GTF3C2: variants seen among roughly 807,000 people sequenced by gnomAD.
GTF3C2 encodes general transcription factor 3C polypeptide 2.
In GTF3C2, 17 loss-of-function variants were observed where a neutral mutation model predicts 117.4. The ratio of observed to expected loss-of-function variants is 0.14; its 90% CI spans 0.10 to 0.22. The LOEUF (loss-of-function observed/expected upper bound fraction) is 0.22. Ranked by LOEUF, GTF3C2 falls within the 10% of genes least tolerant of loss-of-function variation. GTF3C2 has a pLI of 1.00. For missense variants in GTF3C2, 888 were observed against 1,143.6 expected (o/e 0.78, Z 3.22); for synonymous variants, 437 against 427.0 (o/e 1.02, Z -0.29).
intron 10 of GTF3C2, 160 bp downstream of exon 10, chr2:27,335,438 T>C: frequency 1.4e-6 from 1 of 714,882 alleles, no homozygotes; most frequent in Non-Finnish European, 2.6e-6. Flanking sequence ...GAGAGAGGGC[T>C]CAAGAACAAA....
At chr2:27,333,311 T>G (rs968853001) in intron 12 of GTF3C2, among the ~76,000 whole-genome samples, 1 of 151,882 alleles carries the variant, frequency 6.6e-6, no homozygotes, top group Admixed American at 6.6e-5. Flanking sequence ...GCCACCATCC[T>G]GAGCTAATTT....
rs1680738124 is a variant in GTF3C2, at chr2:27,341,749, A to C, written c.855+199T>G. The stretch of plus-strand genomic sequence containing the variant: ...CAGAGAACAGATACTCAATATATGA[A>C]TGAATAATCTTGTTTACCATACCCC... On this transcript the variant is annotated intron_variant, in intron 4 of 18. Transcript: ENST00000264720. The C allele has an allele frequency of 6.9e-6, 4 of 579,116 alleles. No homozygotes were observed. In the South Asian group the frequency reaches 8.8e-5, roughly 13 times the overall value. The allele number at this position is 579,116 out of a possible 1,614,324, so 35.9% of individuals were successfully genotyped here. A position where few individuals can be genotyped will look rare whatever the true frequency, so the allele number is the denominator to read the frequency against.
chr2:27,344,025 A>T (rs1028192635), intron 1 of GTF3C2, among the ~76,000 whole-genome samples: 20 of 145,766 alleles, frequency 1.4e-4, no homozygotes, highest in Non-Finnish European at 2.7e-4. Flanking sequence ...TAAAGCTTCC[A>T]TTTTTTTTTT....
intron 1 of GTF3C2, among the ~76,000 whole-genome samples, chr2:27,345,418 C>A (rs1680882351): frequency 6.6e-6 from 1 of 152,032 alleles, no homozygotes; most frequent in Non-Finnish European, 1.5e-5. Context: ...CATGGTGAAA[C>A]CCCATCTCCA....
intron 1 of GTF3C2, among the ~76,000 whole-genome samples, chr2:27,355,451 C>T (rs1344663861): frequency 3.3e-5 from 5 of 150,958 alleles, no homozygotes; most frequent in East Asian, 2.0e-4. Flanking sequence ...ACCCGGGAGG[C>T]GGAGGTTGCA....
Position 27,329,510 on chromosome 2 carries a change from G to T in GTF3C2, c.1746C>A (p.Phe582Leu), listed in dbSNP as rs749451862. Residue 582 changes from phenylalanine to leucine, a missense_variant, in exon 13 of 19, where the codon TTC becomes TTA. By Grantham distance (22) the Phe-to-Leu change is conservative. Around this residue, in one of 7 missense-constraint regions of GTF3C2, gnomAD observed 277 missense variants for 445.4 expected, o/e 0.62. Coordinates refer to ENST00000264720, the Ensembl canonical transcript of GTF3C2. This position sits in a 1 kb window ranked among gnomAD's most constrained non-coding sequence, Gnocchi z 4.5. ...GGGGTGAGTTAGTGGGAAGGTTCCA[G>T]AAAACCACCATGCCTGAAATAAGGA... The T allele has an allele frequency of 6.2e-7, 1 of 1,614,092 alleles. No individual in the cohort carries two copies. The highest frequency in any genetic ancestry group is 2.2e-5 in the East Asian group (1 of 44,890).
At chr2:27,332,607 G>T (rs1680317084) in intron 12 of GTF3C2, among the ~76,000 whole-genome samples, 1 of 151,188 alleles carries the variant, frequency 6.6e-6, no homozygotes. Flanking sequence ...GTAGAGATGG[G>T]GTTTCACCGT....
intron 4 of GTF3C2, chr2:27,340,628 C>CT (rs750650113): frequency 0.04 from 5,683 of 143,082 alleles, 143 homozygotes; most frequent in Admixed American, 0.05. Flanking sequence ...CTGAAACTGT[C>CT]TTTTTTTTTT....
At chr2:27,346,700 A>AG (rs1558622259) in intron 1 of GTF3C2, among the ~76,000 whole-genome samples, 1 of 148,120 alleles carries the variant, frequency 6.8e-6, no homozygotes, top group African/African-American at 2.5e-5. Flanking sequence ...ATTAAAAAAA[A>AG]TTTTTTTTTT....
At chr2:27,328,107 T>C (rs1013479727) in exon 17 of GTF3C2, 5 of 1,610,372 alleles carry the variant, frequency 3.1e-6, no homozygotes, top group South Asian at 1.1e-5. Flanking sequence ...CTTAGGAGGG[T>C]TGGGGACCCC....
exon 4 of GTF3C2, chr2:27,342,073 G>C (rs770595929): frequency 6.2e-7 from 1 of 1,614,086 alleles, no homozygotes; most frequent in East Asian, 2.2e-5. Context: ...TCTTCATCCC[G>C]TGGAGCACCA....
At chr2:27,338,632 G>A (rs1375756277) in intron 4 of GTF3C2, among the ~76,000 whole-genome samples, 2 of 152,172 alleles carry the variant, frequency 1.3e-5, no homozygotes, top group Non-Finnish European at 2.9e-5. Context: ...TGCCTCCTGG[G>A]CTCAAGCAAT....
intron 1 of GTF3C2, 199 bp downstream of exon 1, chr2:27,356,540 G>A (rs992341743): frequency 9.4e-6 from 2 of 213,246 alleles, no homozygotes; most frequent in Non-Finnish European, 1.0e-5. Context: ...GCAGAGATGG[G>A]GGGTGCACGG....
chr2:27,353,258 C>T (rs113980686), intron 1 of GTF3C2, among the ~76,000 whole-genome samples: 4 of 151,438 alleles, frequency 2.6e-5, no homozygotes, highest in African/African-American at 7.3e-5. Context: ...CTGGGTGTGG[C>T]GGCACACCCC....
intron 1 of GTF3C2, among the ~76,000 whole-genome samples, chr2:27,355,565 G>A (rs931282465): frequency 6.6e-6 from 1 of 151,920 alleles, no homozygotes; most frequent in Non-Finnish European, 1.5e-5. Flanking sequence ...GCAGCAGGAT[G>A]TAATGGTACA....
At chr2:27,345,852 A>T (rs754568231) in intron 1 of GTF3C2, among the ~76,000 whole-genome samples, 6 of 148,064 alleles carry the variant, frequency 4.1e-5, no homozygotes, top group Non-Finnish European at 9.0e-5. Context: ...TAGCTGGGAC[A>T]ACAGGTGCCC....
chr2:27,344,040 T>TC (rs1469097648), intron 1 of GTF3C2, among the ~76,000 whole-genome samples: 2 of 151,178 alleles, frequency 1.3e-5, no homozygotes, highest in Admixed American at 1.3e-4. Context: ...TTTTTTTTTT[T>TC]AAAGACGGAG....
At chr2:27,339,009 G>A (rs945760661) in intron 4 of GTF3C2, among the ~76,000 whole-genome samples, 8 of 152,082 alleles carry the variant, frequency 5.3e-5, no homozygotes, top group African/African-American at 9.7e-5. Flanking sequence ...TTACATTTCC[G>A]TCATGTAAAC....
intron 4 of GTF3C2, chr2:27,340,723 C>G (rs1196953559): frequency 1.3e-5 from 2 of 148,666 alleles, no homozygotes; most frequent in Admixed American, 6.7e-5. Context: ...TGGGTTCAAG[C>G]GAGTCTCCTG....
Sources: gnomAD v4.1 joint callset for allele counts (sites outside exome capture counted in the v4.1 genomes callset) on GRCh38, gnomAD v4.1.1 for gene constraint, gnomAD v4.1.1 regional missense constraint, Gnocchi (gnomAD v3.1) non-coding constraint, MANE v1.5 for transcripts, NCBI Gene and HGNC (gene_info 2026-07-23, HGNC 2026-07-21) for gene names.